SCAI: variants seen among roughly 807,000 people sequenced by gnomAD.
SCAI encodes the protein suppressor of cancer cell invasion, also known as protein SCAI.
A neutral mutation model predicts 92.2 loss-of-function variants in SCAI; 24 were observed. The ratio of observed to expected loss-of-function variants is 0.26; its 90% CI spans 0.19 to 0.37. The LOEUF (loss-of-function observed/expected upper bound fraction) is 0.37. SCAI is among the 10% of genes least tolerant of loss of function. The pLI, the probability that SCAI is intolerant of heterozygous loss-of-function variation, is 1.00. For synonymous variants in SCAI, 261 were observed against 258.6 expected, an observed-to-expected ratio of 1.01 and a Z score of -0.09; for missense variants, 450 against 736.2, an observed-to-expected ratio of 0.61 and a Z score of 4.50.
Position 125,142,572 on chromosome 9 carries a change from G to A in SCAI, c.98+61C>T, listed in dbSNP as rs1471835760. The A allele has an allele frequency of 6.5e-6, 8 of 1,233,434 alleles. No homozygotes were observed. The African/African-American group carries it at 8.9e-5, about 14-fold the overall frequency. The allele number at this position is 1,233,434 out of a possible 1,614,324, so 76.4% of individuals were successfully genotyped here. A position where few individuals can be genotyped will look rare whatever the true frequency, so the allele number is the denominator to read the frequency against. On this transcript the variant is annotated intron_variant, in intron 2 of 17. Transcript: ENST00000336505. ...CTGACAGTATACAATTATGCAGTAC[G>A]GCACAGGTGCAGCCAAGCAAAAAGA... is the stretch of plus-strand genomic sequence containing the variant.
chr9:125,112,415 T>C (rs1834950638), intron 2 of SCAI, among the ~76,000 whole-genome samples: 1 of 152,096 alleles, frequency 6.6e-6, no homozygotes, highest in African/African-American at 2.4e-5. Flanking sequence ...AGAACAGGAC[T>C]GACATTAACA....
intron 2 of SCAI, among the ~76,000 whole-genome samples, chr9:125,099,960 T>C (rs533754732): frequency 6.6e-6 from 1 of 152,376 alleles, no homozygotes; most frequent in South Asian, 2.1e-4. Context: ...CCGGGTTGTG[T>C]GCACCTTTTG....
rs567736108 is a variant in SCAI, at chr9:125,085,709, A to G, written c.99-29702T>C. ...GGTAGGAGGATCACTTGAGCTCAGGAGGCTGAGAATGCAGTGAGCCGTGAT... is the reference window on the plus strand; with the variant it reads ...GGTAGGAGGATCACTTGAGCTCAGGGGGCTGAGAATGCAGTGAGCCGTGAT... On this transcript the variant is annotated intron_variant, in intron 2 of 17. Coordinates refer to ENST00000336505, the MANE Select transcript of SCAI (RefSeq NM_001144877.3). Among the ~76,000 whole-genome samples, 11 of 152,222 alleles carry G rather than the reference A, an allele frequency of 7.2e-5. No homozygotes were observed. In the South Asian group the frequency reaches 2.1e-3, roughly 29 times the overall value.
chr9:125,111,069 TGAA>T (rs1317225717), intron 2 of SCAI, among the ~76,000 whole-genome samples: 1 of 152,280 alleles, frequency 6.6e-6, no homozygotes, highest in East Asian at 1.9e-4. Context: ...TGTCCAAACC[TGAA>T]GAAGGGCAGT....
chr9:125,024,299 C>T (rs1484390545), intron 6 of SCAI, among the ~76,000 whole-genome samples: 2 of 139,464 alleles, frequency 1.4e-5, no homozygotes, highest in African/African-American at 5.4e-5. Flanking sequence ...TTTTTTGAGA[C>T]GGAGTCTCAC....
intron 11 of SCAI, 105 bp from the exon 12 acceptor site, chr9:125,002,148 C>G: frequency 1.3e-6 from 1 of 787,620 alleles, no homozygotes; most frequent in Non-Finnish European, 2.2e-6. Flanking sequence ...AATAAGAATG[C>G]ACTGTTGTCT....
At chr9:125,015,392 C>CA (rs1028103031) in intron 9 of SCAI, among the ~76,000 whole-genome samples, 162 of 152,274 alleles carry the variant, frequency 1.1e-3, no homozygotes, top group African/African-American at 3.8e-3. Flanking sequence ...AGACACTTCT[C>CA]AAAAGAAGAC....
At chr9:125,102,884 C>T (rs954257258) in intron 2 of SCAI, among the ~76,000 whole-genome samples, 7 of 152,150 alleles carry the variant, frequency 4.6e-5, no homozygotes, top group African/African-American at 1.7e-4. Flanking sequence ...AGGCGTGAGG[C>T]ACCGCGCCCA....
In SCAI at chr9:125,046,341, A is replaced by ATATGTG. The variant is rs1554784650; in HGVS notation, c.230+9534_230+9535insCACATA. On this transcript the variant is annotated intron_variant, in intron 3 of 17. Transcript: ENST00000336505. ...TACACACACACACACACATATATAT[A>ATATGTG]TGTGTGTGTGTGTATATATATATGA... Among the ~76,000 whole-genome samples, 215 of 80,436 alleles carry ATATGTG rather than the reference A, an allele frequency of 2.7e-3. 4 individuals carry two copies. Among genetic ancestry groups the ATATGTG allele is most frequent in the African/African-American group, 9.8e-3 (204 of 20,728 alleles). 52.8% of individuals were successfully genotyped at this position (80,436 alleles called of 152,430 possible). A position where few individuals can be genotyped will look rare whatever the true frequency, so the allele number is the denominator to read the frequency against.
intron 9 of SCAI, among the ~76,000 whole-genome samples, chr9:125,016,580 G>C (rs936395100): frequency 6.6e-6 from 1 of 152,020 alleles, no homozygotes; most frequent in African/African-American, 2.4e-5. Context: ...AGAAGTATCA[G>C]CATAATAGAC....
At chr9:125,064,052 C>A (rs1000245781) in intron 2 of SCAI, among the ~76,000 whole-genome samples, 1 of 152,008 alleles carries the variant, frequency 6.6e-6, no homozygotes, top group African/African-American at 2.4e-5. Flanking sequence ...CGCGCCCAGC[C>A]AATTCAATAT....
At chr9:125,116,146 T>C (rs995292527) in intron 2 of SCAI, among the ~76,000 whole-genome samples, 1 of 151,968 alleles carries the variant, frequency 6.6e-6, no homozygotes, top group Non-Finnish European at 1.5e-5. Flanking sequence ...GATTGCACCA[T>C]TGCACTCCAG....
At chr9:125,063,008 G>A (rs1370890909) in intron 2 of SCAI, among the ~76,000 whole-genome samples, 1 of 108,766 alleles carries the variant, frequency 9.2e-6, no homozygotes, top group Non-Finnish European at 1.8e-5. Flanking sequence ...GTCAGAGTGA[G>A]ACTCCGTCTC....
At chr9:125,124,156 G>A (rs1835213982) in intron 2 of SCAI, among the ~76,000 whole-genome samples, 1 of 152,132 alleles carries the variant, frequency 6.6e-6, no homozygotes, top group African/African-American at 2.4e-5. Context: ...GAGATTAGGA[G>A]CACTCTGAAA....
At position 125,143,412 on chromosome 9, in the gene SCAI, T is replaced by C. The variant is rs888019024; in HGVS notation, c.26A>G (p.Gln9Arg). Residue 9 changes from glutamine (Q) to arginine (R), a missense_variant, in exon 1 of 18, where the codon CAG (glutamine) becomes CGG (arginine). Gln to Arg is a conservative substitution (Grantham distance 43). Transcript: ENST00000336505. ...GGGGGCCAGGCGACTCCGCGGCTGC[T>C]GGGGCTGCCGGGCTCCTCTGACCAT... is the stretch of plus-strand genomic sequence containing the variant. MVRGARQP[Q>R]QPRSRLAPRL... is the part of the protein sequence containing the mutation. 1.4e-6 allele frequency: 2 copies of C among 1,396,986 alleles called. No homozygotes were observed. The highest frequency in any genetic ancestry group is 2.8e-5 in the Admixed American group (1 of 35,888). 86.5% of individuals were successfully genotyped at this position (1,396,986 alleles called of 1,614,324 possible).
intron 2 of SCAI, among the ~76,000 whole-genome samples, chr9:125,122,198 C>T (rs902332369): frequency 3.3e-5 from 5 of 152,172 alleles, no homozygotes; most frequent in African/African-American, 4.8e-5. Flanking sequence ...ACTATGCTTT[C>T]GGTTGGACTG....
chr9:125,019,221 T>A lies in SCAI; in HGVS notation c.610-16A>T, dbSNP rs569764595. 7 of 1,433,396 alleles carry A rather than the reference T, an allele frequency of 4.9e-6. No homozygotes were observed. The highest frequency in any genetic ancestry group is 1.8e-4 in the Middle Eastern group (1 of 5,542). The allele number at this position is 1,433,396 out of a possible 1,614,324, so 88.8% of individuals were successfully genotyped here. On this transcript the variant is annotated splice_polypyrimidine_tract_variant and intron_variant, in intron 7 of 17. Coordinates refer to ENST00000336505, the MANE Select transcript of SCAI (RefSeq NM_001144877.3). ...CTGACAATTCCTGATTTTAAAAACA[T>A]CACAAAAAAGGTTATTAAAAAACCC...
Position 125,107,951 on chromosome 9 carries a change from C to T in SCAI, c.98+34682G>A, listed in dbSNP as rs953661330. On this transcript the variant is annotated intron_variant, in intron 2 of 17. Coordinates refer to ENST00000336505, the MANE Select transcript of SCAI (RefSeq NM_001144877.3). Reference sequence around the variant, plus strand: ...TCCCTGCCTGATTCTCCTGTCTCAGCCTGCCGAACCCCTGCGATTGCAGGC... The same window carrying T: ...TCCCTGCCTGATTCTCCTGTCTCAGTCTGCCGAACCCCTGCGATTGCAGGC... 1.4e-4 allele frequency among the ~76,000 whole-genome samples: 22 copies of T among 152,324 alleles called. No individual in the cohort carries two copies. In the South Asian group the frequency reaches 3.3e-3, roughly 23 times the overall value.
chr9:125,074,369 G>A (rs1445000873), intron 2 of SCAI, among the ~76,000 whole-genome samples: 2 of 150,530 alleles, frequency 1.3e-5, no homozygotes, highest in Non-Finnish European at 3.0e-5. Context: ...CGATTCTCCT[G>A]CCTCAGCCTC....
Sources: gnomAD v4.1 joint callset for allele counts (sites outside exome capture counted in the v4.1 genomes callset) on GRCh38, gnomAD v4.1.1 for gene constraint, MANE v1.5 for transcripts, NCBI Gene and HGNC (gene_info 2026-07-23, HGNC 2026-07-21) for gene names.